Variants in NF1 observed in about 807,000 individuals in gnomAD.
NF1 encodes neurofibromin.
NF1 carries 122 observed loss-of-function variants against 325.7 expected under a neutral mutation model. The ratio of observed to expected loss-of-function variants is 0.37; its 90% CI spans 0.32 to 0.44. The LOEUF is 0.44. NF1 is among the 20% of genes least tolerant of loss of function. NF1 has a pLI of 1.00. For missense variants in NF1, 2,140 were observed against 3,415.4 expected (o/e 0.63, Z 9.31); for synonymous variants, 1,091 against 1,186.0 (o/e 0.92, Z 1.65).
chr17:31,287,542 CTGTGTGTGTGTGTGTG>C (rs59906241), intron 36 of NF1, among the ~76,000 whole-genome samples: 2 of 145,490 alleles, frequency 1.4e-5, no homozygotes, highest in African/African-American at 2.6e-5. Flanking sequence ...TCATTCATAA[CTGTGTGTGTGTGTGTG>C]TGTGTGTGTG....
intron 29 of NF1, among the ~76,000 whole-genome samples, chr17:31,237,540 G>A (rs1346611646): frequency 6.6e-6 from 1 of 152,018 alleles, no homozygotes; most frequent in Non-Finnish European, 1.5e-5. Flanking sequence ...GCCTCCCAAA[G>A]TGCTGGGATT....
At chr17:31,337,715 G>A (rs935826461) in intron 43 of NF1, 104 bp from the exon 44 acceptor site, 14 of 1,410,756 alleles carry the variant, frequency 9.9e-6, no homozygotes, top group Non-Finnish European at 1.3e-5. Context: ...TGCATGGACT[G>A]TGTTATTGGT....
chr17:31,326,696 G>A (rs997085202), intron 37 of NF1, among the ~76,000 whole-genome samples: 4 of 152,144 alleles, frequency 2.6e-5, no homozygotes, highest in Non-Finnish European at 5.9e-5. Flanking sequence ...CAACATTTGT[G>A]TCATCATGGA....
At chr17:31,358,696 A>G (rs1221024950) in intron 55 of NF1, 74 bp downstream of exon 55, 18 of 1,556,922 alleles carry the variant, frequency 1.2e-5, no homozygotes, top group Admixed American at 3.3e-5. Context: ...TGCACTGACT[A>G]CAGAATTCTT....
Position 31,115,835 on chromosome 17 carries a change from T to A in NF1, c.60+20466T>A, listed in dbSNP as rs185183502. 5.6e-4 allele frequency among the ~76,000 whole-genome samples: 86 copies of A among 152,362 alleles called. 1 individual carries two copies. The highest frequency in any genetic ancestry group is 2.0e-3 in the African/African-American group (85 of 41,590). ...GGAATGCATATTCATATTCAGAATA[T>A]GTTGGTGCCAGTGAGGACAAATTCT... On this transcript the variant is annotated intron_variant, in intron 1 of 57. Coordinates refer to ENST00000358273, the MANE Select transcript of NF1 (RefSeq NM_001042492.3).
At chr17:31,173,597 TAAAA>T (rs61130426) in intron 5 of NF1, among the ~76,000 whole-genome samples, 1 of 140,208 alleles carries the variant, frequency 7.1e-6, no homozygotes, top group Non-Finnish European at 1.5e-5. Context: ...AAACTCCATC[TAAAA>T]AAAAAAAAAA....
At chr17:31,290,758 C>T (rs2068328837) in intron 36 of NF1, among the ~76,000 whole-genome samples, 1 of 152,172 alleles carries the variant, frequency 6.6e-6, no homozygotes, top group Non-Finnish European at 1.5e-5. Flanking sequence ...GTAATCCCAG[C>T]ACTTTGGGAG....
intron 30 of NF1, chr17:31,251,942 C>A (rs1395689181): frequency 4.7e-6 from 1 of 214,970 alleles, no homozygotes; most frequent in African/African-American, 2.3e-5. Context: ...GAATAAGATG[C>A]CATCTATTTG....
At chr17:31,126,335 A>G (rs1474789440) in intron 1 of NF1, among the ~76,000 whole-genome samples, 2 of 152,030 alleles carry the variant, frequency 1.3e-5, no homozygotes, top group East Asian at 1.9e-4. Flanking sequence ...TGTGAAATGT[A>G]TTTGTGTTTC....
chr17:31,365,278 CAAAAA>C (rs67659795), intron 57 of NF1, among the ~76,000 whole-genome samples: 34 of 101,104 alleles, frequency 3.4e-4, no homozygotes, highest in Non-Finnish European at 4.1e-4. Flanking sequence ...GAACCTATCT[CAAAAA>C]AAAAAAAAAA....
chr17:31,162,214 C>T (rs1313321663), intron 3 of NF1, among the ~76,000 whole-genome samples: 6 of 151,902 alleles, frequency 3.9e-5, no homozygotes, highest in Admixed American at 1.3e-4. Context: ...TAGTGGCTCA[C>T]GCCTGTAATC....
rs369923267 is a variant in NF1, at chr17:31,288,364, A to G, written c.4835+23025A>G. Among the ~76,000 whole-genome samples, 6 of 152,130 alleles carry G rather than the reference A, an allele frequency of 3.9e-5. No individual in the cohort carries two copies. The South Asian group carries it at 8.3e-4, about 21-fold the overall frequency. On this transcript the variant is annotated intron_variant, in intron 36 of 57. Coordinates refer to ENST00000358273, the MANE Select transcript of NF1 (RefSeq NM_001042492.3). ...TGAAACATACTAATCTGCTTAACAC[A>G]TTATTAACACCTTAACATGACATTT...
rs764456929 is a variant in NF1 at position 31,225,059 on chromosome 17, T to TAAA, written c.1846-36_1846-35insAAA. 3.5e-5 allele frequency: 56 copies of TAAA among 1,610,208 alleles called. No homozygotes were observed. In the East Asian group the frequency reaches 1.2e-3, roughly 36 times the overall value. ...AGTGTTTATTCCTCTTGGTTGTCAG[T>TAAA]GCTTCAGTAAAGCTTATTTATTTAT... On this transcript the variant is annotated intron_variant, in intron 16 of 57. Transcript: ENST00000358273.
chr17:31,375,761 A>G lies in NF1; in HGVS notation c.*1606A>G, dbSNP rs2070723326. Reference sequence around the variant, plus strand: ...TTAAGTGTTCTGATTTTAATAATATATTTCACATTTATCCACACAGTAACA... The same window carrying G: ...TTAAGTGTTCTGATTTTAATAATATGTTTCACATTTATCCACACAGTAACA... On this transcript the variant is annotated 3_prime_UTR_variant, in exon 58 of 58. Transcript: ENST00000358273. The G allele has an allele frequency of 4.3e-6, 1 of 232,460 alleles. No homozygotes were observed. 14.4% of individuals were successfully genotyped at this position (232,460 alleles called of 1,614,324 possible).
chr17:31,304,355 G>C (rs984042800), intron 36 of NF1: 4 of 1,614,012 alleles, frequency 2.5e-6, no homozygotes, highest in Non-Finnish European at 3.4e-6. Flanking sequence ...TGGATCTCAA[G>C]GTTGGAATCT....
chr17:31,247,171 G>A (rs1399789697), intron 29 of NF1, among the ~76,000 whole-genome samples: 5 of 143,254 alleles, frequency 3.5e-5, no homozygotes, highest in African/African-American at 8.0e-5. Context: ...CTCCAGCCCG[G>A]CAACAGAGCA....
chr17:31,329,927 T>C (rs1000261238), intron 38 of NF1, among the ~76,000 whole-genome samples: 1 of 152,174 alleles, frequency 6.6e-6, no homozygotes, highest in African/African-American at 2.4e-5. Context: ...TTGGCTTTGC[T>C]AAAAATGTAT....
intron 40 of NF1, among the ~76,000 whole-genome samples, chr17:31,335,274 T>TTATATACATATATATATATATA (rs1325370174): frequency 2.7e-3 from 18 of 6,704 alleles, no homozygotes; most frequent in East Asian, 0.025. Context: ...CAAGGCATAA[T>TTATATACATATATATATATATA]TATATATATA....
intron 1 of NF1, among the ~76,000 whole-genome samples, chr17:31,140,085 G>T (rs1567807628): frequency 6.6e-6 from 1 of 152,170 alleles, no homozygotes; most frequent in Non-Finnish European, 1.5e-5. Flanking sequence ...GACCATAGGG[G>T]ATAAAACGAT....
Sources: allele counts gnomAD v4.1 joint callset (sites outside exome capture counted in the v4.1 genomes callset), GRCh38; gene constraint gnomAD v4.1.1; transcripts MANE v1.5; gene names NCBI Gene and HGNC (gene_info 2026-07-23, HGNC 2026-07-21).